Variants in CDK14 observed in about 807,000 individuals in gnomAD.
CDK14 encodes the protein cyclin-dependent kinase 14.
CDK14 carries 34 observed loss-of-function variants against 60.7 expected under a neutral mutation model. The observed-to-expected ratio is 0.56, with a 90% CI of 0.43 to 0.75. The LOEUF (loss-of-function observed/expected upper bound fraction) is 0.75, where lower values mean the gene tolerates loss of function less well. CDK14 is among the 30% of genes least tolerant of loss of function. The probability of loss-of-function intolerance (pLI) is 0.00; values close to 1 mark genes in which losing one functional copy is unlikely to be tolerated. For synonymous variants in CDK14, 197 were observed against 203.7 expected, an observed-to-expected ratio of 0.97 and a Z score of 0.28; for missense variants, 482 against 564.1, an observed-to-expected ratio of 0.85 and a Z score of 1.47.
intron 10 of CDK14, among the ~76,000 whole-genome samples, chr7:90,985,473 C>T (rs1052336726): frequency 1.3e-5 from 2 of 151,970 alleles, no homozygotes; most frequent in African/African-American, 4.8e-5. Context: ...CATTTTATGC[C>T]AGATATTCAG....
chr7:90,866,427 C>A (rs1319684853), intron 6 of CDK14, among the ~76,000 whole-genome samples: 2 of 151,910 alleles, frequency 1.3e-5, no homozygotes, highest in African/African-American at 2.4e-5. Context: ...TTCATTGTAC[C>A]CTTTTTTGAG....
chr7:91,064,487 A>T (rs1797913024), intron 11 of CDK14, among the ~76,000 whole-genome samples: 1 of 152,208 alleles, frequency 6.6e-6, no homozygotes, highest in Non-Finnish European at 1.5e-5. Flanking sequence ...TATTACATGG[A>T]TTACAGTGAG....
At chr7:91,152,156 A>C (rs1044836976) in intron 14 of CDK14, among the ~76,000 whole-genome samples, 6 of 152,196 alleles carry the variant, frequency 3.9e-5, no homozygotes, top group Admixed American at 3.9e-4. Flanking sequence ...TGTCTTGTGA[A>C]TCGTGGTATG....
At chr7:90,837,149 C>T (rs1034639741) in intron 5 of CDK14, among the ~76,000 whole-genome samples, 2 of 152,036 alleles carry the variant, frequency 1.3e-5, no homozygotes, top group Admixed American at 6.5e-5. Flanking sequence ...GCCTTTGGAC[C>T]GTATGGCAAT....
intron 11 of CDK14, among the ~76,000 whole-genome samples, chr7:91,067,761 A>G (rs1798021565): frequency 6.6e-6 from 1 of 152,200 alleles, no homozygotes; most frequent in African/African-American, 2.4e-5. Flanking sequence ...TTAGCATTGT[A>G]TTTCTGGAAA....
At chr7:90,909,820 A>G (rs533832803) in intron 7 of CDK14, among the ~76,000 whole-genome samples, 5 of 152,298 alleles carry the variant, frequency 3.3e-5, no homozygotes, top group African/African-American at 7.2e-5. Context: ...TTAATGTTCA[A>G]AGATCTTAAA....
chr7:91,149,034 A>G (rs74818336), intron 14 of CDK14, among the ~76,000 whole-genome samples: 8,968 of 152,236 alleles, frequency 0.059, 391 homozygotes, highest in Admixed American at 0.14. Flanking sequence ...AATAACATTT[A>G]TTTAACACCT....
chr7:90,664,732 C>G (rs914519402), intron 2 of CDK14, among the ~76,000 whole-genome samples: 6 of 145,160 alleles, frequency 4.1e-5, no homozygotes, highest in African/African-American at 1.5e-4. Context: ...AGGTGGTAAT[C>G]GAACAATGAG....
At chr7:90,958,476 A>T (rs2117578627) in intron 9 of CDK14, among the ~76,000 whole-genome samples, 1 of 152,290 alleles carries the variant, frequency 6.6e-6, no homozygotes, top group East Asian at 1.9e-4. Context: ...ATCATCTGTC[A>T]TTAAGGGGCT....
chr7:91,179,802 C>CAA (rs554031785), intron 14 of CDK14, among the ~76,000 whole-genome samples: 3 of 140,478 alleles, frequency 2.1e-5, no homozygotes, highest in South Asian at 2.2e-4. Flanking sequence ...GACTCCGTCT[C>CAA]AAAAAAAAAA....
intron 4 of CDK14, among the ~76,000 whole-genome samples, chr7:90,760,118 G>A (rs994858929): frequency 3.9e-5 from 6 of 151,958 alleles, no homozygotes; most frequent in South Asian, 2.1e-4. Flanking sequence ...TGAATTAAAC[G>A]ACCTTATAAA....
At chr7:90,650,546 G>T (rs1391144396) in intron 2 of CDK14, among the ~76,000 whole-genome samples, 1 of 152,202 alleles carries the variant, frequency 6.6e-6, no homozygotes, top group African/African-American at 2.4e-5. Context: ...CCTACGTCCT[G>T]AATGGTATTG....
At chr7:90,770,577 A>G (rs7780768) in intron 4 of CDK14, among the ~76,000 whole-genome samples, 99,419 of 152,130 alleles carry the variant, frequency 0.65, 32,945 homozygotes, top group East Asian at 0.96. Context: ...CAAATATCAC[A>G]TTACTTAACT....
At position 90,746,047 on chromosome 7, in the gene CDK14, A is replaced by G. The variant is rs539923675; in HGVS notation, c.370-1634A>G. ...CAGATGCCTCCACAGCTTGCTTGGG[A>G]GGACACTGCAGTCTCAACTGTTTAT... On this transcript the variant is annotated intron_variant, in intron 3 of 14. Transcript: ENST00000380050. 4.6e-5 allele frequency among the ~76,000 whole-genome samples: 7 copies of G among 152,270 alleles called. No individual in the cohort carries two copies. The East Asian group carries it at 9.6e-4, about 21-fold the overall frequency.
At chr7:91,065,846 A>G (rs572847037) in intron 11 of CDK14, among the ~76,000 whole-genome samples, 184 of 152,346 alleles carry the variant, frequency 1.2e-3, no homozygotes, top group African/African-American at 4.2e-3. Flanking sequence ...CCTTCTAGCC[A>G]AAAGGATTTG....
At chr7:91,131,141 A>AT (rs886368368) in intron 14 of CDK14, among the ~76,000 whole-genome samples, 46 of 151,120 alleles carry the variant, frequency 3.0e-4, no homozygotes, top group African/African-American at 9.7e-4. Context: ...GTACTTTTAG[A>AT]TTTTTTAGAA....
At chr7:91,081,091 TA>T (rs921282853) in intron 12 of CDK14, among the ~76,000 whole-genome samples, 1 of 152,216 alleles carries the variant, frequency 6.6e-6, no homozygotes, top group Admixed American at 6.5e-5. Flanking sequence ...AAATCATTAC[TA>T]AAAATATTAA....
chr7:90,793,967 C>T (rs933473964), intron 5 of CDK14, among the ~76,000 whole-genome samples: 7 of 152,030 alleles, frequency 4.6e-5, no homozygotes, highest in Admixed American at 2.6e-4. Flanking sequence ...GAAACCAGCC[C>T]ACGATATTCA....
At chr7:90,983,947 C>G (rs554260426) in intron 9 of CDK14, among the ~76,000 whole-genome samples, 177 of 152,202 alleles carry the variant, frequency 1.2e-3, no homozygotes, top group African/African-American at 3.9e-3. Flanking sequence ...TCATTCATAC[C>G]TGAGACCTCA....
Sources: allele counts gnomAD v4.1 joint callset (sites outside exome capture counted in the v4.1 genomes callset), GRCh38; gene constraint gnomAD v4.1.1; transcripts MANE v1.5; gene names NCBI Gene and HGNC (gene_info 2026-07-23, HGNC 2026-07-21).